MAD1L1: variants seen among roughly 807,000 people sequenced by gnomAD.
MAD1L1 encodes the protein mitotic spindle assembly checkpoint protein MAD1.
MAD1L1 carries 95 observed loss-of-function variants against 96.9 expected under a neutral mutation model. The observed-to-expected ratio is 0.98, with a 90% CI of 0.83 to 1.16. The LOEUF (loss-of-function observed/expected upper bound fraction) is 1.16. Ranked by LOEUF, MAD1L1 falls within the 50% of genes most tolerant of loss-of-function variation. The pLI, the probability that MAD1L1 is intolerant of heterozygous loss-of-function variation, is 0.00. For missense variants in MAD1L1, 1,007 were observed against 954.4 expected, an observed-to-expected ratio of 1.06 and a Z score of -0.73; for synonymous variants, 473 against 396.6, an observed-to-expected ratio of 1.19 and a Z score of -2.29.
intron 12 of MAD1L1, among the ~76,000 whole-genome samples, chr7:2,067,511 G>C (rs917421837): frequency 6.6e-6 from 1 of 152,188 alleles, no homozygotes; most frequent in Non-Finnish European, 1.5e-5. Flanking sequence ...CACTCTGAAA[G>C]AACACAGTGT....
intron 17 of MAD1L1, among the ~76,000 whole-genome samples, chr7:1,920,438 G>A (rs868377782): frequency 1.3e-5 from 2 of 152,222 alleles, no homozygotes; most frequent in South Asian, 2.1e-4. Context: ...TGGACCCAGC[G>A]ATTCCTCAGA....
chr7:1,904,351 G>A (rs1787482109), intron 17 of MAD1L1, among the ~76,000 whole-genome samples: 1 of 143,658 alleles, frequency 7.0e-6, no homozygotes, highest in Non-Finnish European at 1.5e-5. Context: ...CAGCAAGGAT[G>A]CAGTGGCCTA....
At chr7:2,080,027 G>T in intron 11 of MAD1L1, 1 of 296,386 alleles carries the variant, frequency 3.4e-6, no homozygotes, top group Non-Finnish European at 6.5e-6. Flanking sequence ...AACCCTGTCA[G>T]CGCTGGCTGC....
At chr7:2,211,351 C>A (rs150797651) in intron 10 of MAD1L1, among the ~76,000 whole-genome samples, 2,207 of 152,308 alleles carry the variant, frequency 0.014, 56 homozygotes, top group African/African-American at 0.051. Context: ...CCAGGCAGGG[C>A]GCTCAGATGC....
chr7:2,090,696 T>C (rs1441118939), intron 11 of MAD1L1, among the ~76,000 whole-genome samples: 1 of 152,152 alleles, frequency 6.6e-6, no homozygotes, highest in Non-Finnish European at 1.5e-5. Context: ...GGGTCAGGTG[T>C]GTGTTGAGGC....
intron 14 of MAD1L1, among the ~76,000 whole-genome samples, chr7:1,985,608 C>G (rs1412569115): frequency 1.3e-5 from 2 of 152,266 alleles, no homozygotes; most frequent in Non-Finnish European, 2.9e-5. Flanking sequence ...CTCATGTTCT[C>G]TCCTCCCTCT....
intron 14 of MAD1L1, among the ~76,000 whole-genome samples, chr7:1,997,003 T>C (rs939107654): frequency 6.6e-6 from 1 of 152,154 alleles, no homozygotes; most frequent in Non-Finnish European, 1.5e-5. Context: ...CGGGCCTAGC[T>C]AATTAGGGGG....
At chr7:2,089,419 A>ACCACCATGTAAGAAGAGCCTTTTGCCTC (rs1459661247) in intron 11 of MAD1L1, among the ~76,000 whole-genome samples, 6 of 152,084 alleles carry the variant, frequency 3.9e-5, no homozygotes, top group Admixed American at 3.9e-4. Flanking sequence ...TTCTCTTGCT[A>ACCACCATGTAAGAAGAGCCTTTTGCCTC]CCACCATGTA....
rs116926684 is a variant in MAD1L1, at chr7:1,975,137, T to G, written c.1505+5316A>C. ...GGAGGCAGCTCACCAGCCTTCACCC[T>G]GTTGACCTGGCTGCCTCAGCCTGCT... On this transcript the variant is annotated intron_variant, in intron 15 of 18. Transcript: ENST00000265854. 9.8e-4 allele frequency among the ~76,000 whole-genome samples: 150 copies of G among 152,318 alleles called. 1 individual carries two copies. In the South Asian group the frequency reaches 0.012, roughly 12 times the overall value.
intron 18 of MAD1L1, chr7:1,845,597 ACG>A: frequency 7.4e-6 from 1 of 135,496 alleles, no homozygotes; most frequent in African/African-American, 2.8e-5. Flanking sequence ...GACGTGCTCC[ACG>A]CAGACATGCG....
chr7:1,917,476 C>T (rs1431142408), intron 17 of MAD1L1, among the ~76,000 whole-genome samples: 6 of 152,202 alleles, frequency 3.9e-5, no homozygotes, highest in South Asian at 2.1e-4. Context: ...CCCCTCTCCG[C>T]CCTCAGCACC....
intron 11 of MAD1L1, among the ~76,000 whole-genome samples, chr7:2,106,074 TCA>T (rs1237209754): frequency 8.6e-6 from 1 of 115,772 alleles, no homozygotes; most frequent in Non-Finnish European, 1.8e-5. Flanking sequence ...GACCTATCTA[TCA>T]CACACAGCGC....
chr7:1,869,831 G>C (rs976740374), intron 18 of MAD1L1, among the ~76,000 whole-genome samples: 1 of 152,198 alleles, frequency 6.6e-6, no homozygotes, highest in Admixed American at 6.5e-5. Flanking sequence ...CTGGGCTCCC[G>C]CAAGTGCCTC....
At chr7:1,850,569 G>A (rs1783914497) in intron 18 of MAD1L1, among the ~76,000 whole-genome samples, 1 of 152,206 alleles carries the variant, frequency 6.6e-6, no homozygotes, top group Non-Finnish European at 1.5e-5. Context: ...CTTGACTCCG[G>A]GGAGCTGCAC....
In MAD1L1 at chr7:1,983,194, G is replaced by A. The variant is rs184130913; in HGVS notation, c.1417-2653C>T. Among the ~76,000 whole-genome samples the A allele has an allele frequency of 1.5e-3, 220 of 151,352 alleles. 2 individuals are homozygous for A. The highest frequency in any genetic ancestry group is 6.1e-3 in the East Asian group (31 of 5,110). ...CACACACACACACACACACAGGCTTGTAAGGCCTTTGCAGTTGTTGGTGTC... is the reference window on the plus strand; with the variant it reads ...CACACACACACACACACACAGGCTTATAAGGCCTTTGCAGTTGTTGGTGTC... On this transcript the variant is annotated intron_variant, in intron 14 of 18. Transcript: ENST00000265854.
intron 18 of MAD1L1, chr7:1,874,493 G>C: frequency 2.2e-6 from 1 of 454,514 alleles, no homozygotes; most frequent in South Asian, 1.6e-5. Context: ...CTGACCTTTT[G>C]ATCTTGATAA....
chr7:1,925,270 A>C (rs977567299), intron 17 of MAD1L1, among the ~76,000 whole-genome samples: 1 of 152,236 alleles, frequency 6.6e-6, no homozygotes, highest in African/African-American at 2.4e-5. Context: ...CCTCAACATA[A>C]TGAAATTGAA....
At chr7:1,907,567 G>A (rs1323881845) in intron 17 of MAD1L1, among the ~76,000 whole-genome samples, 6 of 152,188 alleles carry the variant, frequency 3.9e-5, no homozygotes, top group South Asian at 2.1e-4. Flanking sequence ...ACGCCGCCAC[G>A]GGGCCAGGAG....
chr7:2,181,240 C>T (rs759046952), intron 10 of MAD1L1, among the ~76,000 whole-genome samples: 26 of 152,236 alleles, frequency 1.7e-4, no homozygotes, highest in Non-Finnish European at 3.1e-4. Context: ...CCGAATTTTG[C>T]GGCAACTCTG....
Sources: gnomAD v4.1 joint callset for allele counts (sites outside exome capture counted in the v4.1 genomes callset) on GRCh38, gnomAD v4.1.1 for gene constraint, MANE v1.5 for transcripts, NCBI Gene and HGNC (gene_info 2026-07-23, HGNC 2026-07-21) for gene names.